Variants in IL1RAPL1 observed in about 807,000 individuals in gnomAD.
The protein encoded by IL1RAPL1 is interleukin 1 receptor accessory protein like 1, also known as interleukin-1 receptor accessory protein-like 1.
IL1RAPL1 carries 3 observed loss-of-function variants against 48.4 expected under a neutral mutation model. That is an observed-to-expected ratio of 0.06 (90% CI 0.03 to 0.16). The LOEUF (loss-of-function observed/expected upper bound fraction) is 0.16. IL1RAPL1 is among the 10% of genes least tolerant of loss of function. The pLI is 1.00. For synonymous variants in IL1RAPL1, 185 were observed against 187.7 expected, an observed-to-expected ratio of 0.99 and a Z score of 0.12; for missense variants, 349 against 530.6, an observed-to-expected ratio of 0.66 and a Z score of 3.36.
At chrX:29,650,484 AT>A (rs200699886) in intron 5 of IL1RAPL1, among the ~76,000 whole-genome samples, 9,006 of 104,224 alleles carry the variant, frequency 0.086, 327 homozygotes, top group Middle Eastern at 0.24. Context: ...CAGCTAACTC[AT>A]TTTTTTTTTT....
At chrX:29,904,494 A>G (rs1348257075) in intron 6 of IL1RAPL1, among the ~76,000 whole-genome samples, 3 of 110,657 alleles carry the variant, frequency 2.7e-5, no homozygotes, top group Non-Finnish European at 3.8e-5. Flanking sequence ...CGCATGCATT[A>G]GGTATTTATC....
chrX:29,490,852 G>GTATATATATATATATACGTA (rs753856512), intron 5 of IL1RAPL1, among the ~76,000 whole-genome samples: 2 of 93,669 alleles, frequency 2.1e-5, no homozygotes, highest in African/African-American at 1.0e-4. Flanking sequence ...GTGTGTGTGT[G>GTATATATATATATATACGTA]TATATATATA....
intron 3 of IL1RAPL1, among the ~76,000 whole-genome samples, chrX:29,363,289 A>C (rs757532797): frequency 6.3e-5 from 7 of 111,913 alleles, no homozygotes; most frequent in Non-Finnish European, 1.3e-4. Context: ...ATTATTTTGC[A>C]ACAGATCTTT....
intron 2 of IL1RAPL1, among the ~76,000 whole-genome samples, chrX:28,913,893 G>A (rs995917243): frequency 3.6e-5 from 4 of 110,993 alleles, no homozygotes; most frequent in African/African-American, 1.3e-4. Context: ...TTTACCAGTT[G>A]TATGTTATCA....
chrX:28,817,477 A>G (rs1936883782), intron 2 of IL1RAPL1, among the ~76,000 whole-genome samples: 1 of 111,199 alleles, frequency 9.0e-6, no homozygotes, highest in African/African-American at 3.3e-5. Context: ...CTCATGAAAC[A>G]CCACTAATAG....
chrX:29,022,634 T>G (rs1050132522), intron 2 of IL1RAPL1, among the ~76,000 whole-genome samples: 1 of 111,778 alleles, frequency 8.9e-6, no homozygotes, highest in Non-Finnish European at 1.9e-5. Flanking sequence ...GGTGATTAGC[T>G]TAGAAGTCCC....
chrX:28,649,132 G>A (rs1444665188), intron 1 of IL1RAPL1, among the ~76,000 whole-genome samples: 1 of 112,028 alleles, frequency 8.9e-6, no homozygotes, highest in Non-Finnish European at 1.9e-5. Flanking sequence ...AAATCATTGT[G>A]GAATGGATAA....
chrX:28,911,439 G>A (rs753288200), intron 2 of IL1RAPL1, among the ~76,000 whole-genome samples: 10 of 110,714 alleles, frequency 9.0e-5, no homozygotes, highest in African/African-American at 2.6e-4. Context: ...TGTCCTACAT[G>A]CTCTGCCATT....
chrX:29,491,446 C>T (rs1935158721), intron 5 of IL1RAPL1, among the ~76,000 whole-genome samples: 1 of 112,424 alleles, frequency 8.9e-6, no homozygotes, highest in South Asian at 3.6e-4. Context: ...CAGAAAGTCC[C>T]TTGCATTTGA....
intron 5 of IL1RAPL1, among the ~76,000 whole-genome samples, chrX:29,657,285 G>A (rs1004782308): frequency 9.0e-6 from 1 of 111,691 alleles, no homozygotes; most frequent in Non-Finnish European, 1.9e-5. Context: ...TAATTCTTGC[G>A]TTTGTCTTTC....
chrX:28,688,001 G>A (rs1935132204), intron 1 of IL1RAPL1, among the ~76,000 whole-genome samples: 1 of 105,390 alleles, frequency 9.5e-6, no homozygotes, highest in Non-Finnish European at 1.9e-5. Flanking sequence ...CTACTCAGGA[G>A]GCTGAGGCAC....
chrX:29,052,864 G>A (rs1393923532), intron 2 of IL1RAPL1, among the ~76,000 whole-genome samples: 2 of 110,829 alleles, frequency 1.8e-5, no homozygotes, highest in Non-Finnish European at 3.8e-5. Flanking sequence ...GTAGAGACAG[G>A]GTTTCTCCAT....
At chrX:28,644,255 C>T (rs1298303597) in intron 1 of IL1RAPL1, among the ~76,000 whole-genome samples, 1 of 111,372 alleles carries the variant, frequency 9.0e-6, no homozygotes, top group Non-Finnish European at 1.9e-5. Context: ...AGTTGCTGAT[C>T]AGTTGCTATA....
chrX:28,930,733 C>T (rs1241913409), intron 2 of IL1RAPL1, among the ~76,000 whole-genome samples: 1 of 111,755 alleles, frequency 8.9e-6, no homozygotes. Context: ...GCTCTGCCTC[C>T]GAGGTTCAAG....
chrX:29,097,392 C>T (rs948965153), intron 2 of IL1RAPL1, among the ~76,000 whole-genome samples: 8 of 111,940 alleles, frequency 7.1e-5, no homozygotes. Context: ...TTCAGATGCT[C>T]TTGGAAATAT....
At chrX:29,296,957 A>G (rs1375300640) in intron 3 of IL1RAPL1, among the ~76,000 whole-genome samples, 1 of 111,852 alleles carries the variant, frequency 8.9e-6, no homozygotes, top group Admixed American at 9.5e-5. Flanking sequence ...TCCATTGAGT[A>G]ACTGTTTTAT....
intron 6 of IL1RAPL1, among the ~76,000 whole-genome samples, chrX:29,766,681 A>G (rs1276632163): frequency 5.7e-5 from 4 of 70,171 alleles, no homozygotes; most frequent in African/African-American, 1.4e-4. Flanking sequence ...ATATATAAAT[A>G]TAAAGTATAT....
At chrX:29,275,251 T>C (rs960840856) in intron 2 of IL1RAPL1, among the ~76,000 whole-genome samples, 1 of 111,711 alleles carries the variant, frequency 9.0e-6, no homozygotes, top group African/African-American at 3.3e-5. Context: ...TCTGAAACTC[T>C]GAGAGGGGAG....
chrX:28,807,684 G>A (rs1221292011), intron 2 of IL1RAPL1, among the ~76,000 whole-genome samples: 2 of 111,015 alleles, frequency 1.8e-5, no homozygotes, highest in Non-Finnish European at 3.8e-5. Flanking sequence ...TAGAAACCAG[G>A]TTCAATATAA....
Sources: allele counts gnomAD v4.1 joint callset (sites outside exome capture counted in the v4.1 genomes callset), GRCh38; gene constraint gnomAD v4.1.1; transcripts MANE v1.5; gene names NCBI Gene and HGNC (gene_info 2026-07-23, HGNC 2026-07-21).